Variants in TMEM62 observed in about 807,000 individuals in gnomAD.
TMEM62 encodes transmembrane protein 62.
In TMEM62, 41 loss-of-function variants were observed where a neutral mutation model predicts 70.4. That is an observed-to-expected ratio of 0.58 (90% CI 0.45 to 0.76). TMEM62 has a LOEUF of 0.76. TMEM62 is among the 30% of genes least tolerant of loss of function. TMEM62 has a pLI of 0.00. For synonymous variants in TMEM62, 268 were observed against 291.0 expected (o/e 0.92, Z 0.80); for missense variants, 688 against 788.5 (o/e 0.87, Z 1.53).
intron 3 of TMEM62, among the ~76,000 whole-genome samples, chr15:43,136,760 T>A (rs1006001776): frequency 3.3e-5 from 5 of 151,764 alleles, no homozygotes; most frequent in Admixed American, 1.3e-4. Flanking sequence ...CCTGGCTTAT[T>A]ATTATTTTTT....
intron 11 of TMEM62, among the ~76,000 whole-genome samples, chr15:43,173,523 T>C (rs556636489): frequency 2.6e-5 from 4 of 152,226 alleles, no homozygotes; most frequent in African/African-American, 9.6e-5. Context: ...ACCAGTTACC[T>C]GTATTTTAGC....
intron 9 of TMEM62, among the ~76,000 whole-genome samples, chr15:43,158,035 A>C (rs1342331982): frequency 6.6e-6 from 1 of 151,804 alleles, no homozygotes; most frequent in Admixed American, 6.6e-5. Context: ...TTGGAAACTG[A>C]ATCTTTGGTC....
chr15:43,163,185 A>G (rs2038966455), intron 10 of TMEM62, among the ~76,000 whole-genome samples: 1 of 137,652 alleles, frequency 7.3e-6, no homozygotes, highest in African/African-American at 3.0e-5. Context: ...AGCATAAAAT[A>G]AAAATAAAAA....
chr15:43,158,704 T>C (rs933652861), intron 9 of TMEM62, among the ~76,000 whole-genome samples: 1 of 152,226 alleles, frequency 6.6e-6, no homozygotes, highest in Non-Finnish European at 1.5e-5. Context: ...AATTATCTTA[T>C]CTATTTGGTA....
upstream of TMEM62, chr15:43,133,171 C>T (rs914591049): frequency 6.6e-6 from 1 of 152,148 alleles, no homozygotes; most frequent in Admixed American, 6.5e-5. Flanking sequence ...CACTGCATTC[C>T]TGCCTGGGGG....
intron 10 of TMEM62, among the ~76,000 whole-genome samples, chr15:43,167,568 C>T (rs1258864301): frequency 1.3e-5 from 2 of 151,976 alleles, no homozygotes; most frequent in African/African-American, 4.8e-5. Context: ...GATGGGATGG[C>T]GGCCGGGAAG....
intron 13 of TMEM62, 114 bp from the exon 14 acceptor site, chr15:43,184,146 T>A (rs1375125074): frequency 2.2e-6 from 2 of 929,586 alleles, no homozygotes; most frequent in African/African-American, 3.3e-5. Context: ...TTGAAGTAAA[T>A]TAGCTAACGC....
At chr15:43,165,625 C>G (rs912643251) in intron 10 of TMEM62, among the ~76,000 whole-genome samples, 3 of 151,392 alleles carry the variant, frequency 2.0e-5, no homozygotes, top group African/African-American at 7.3e-5. Context: ...CTCAGCTACT[C>G]GGGAGGCTGA....
intron 5 of TMEM62, among the ~76,000 whole-genome samples, chr15:43,147,307 A>G (rs1016335776): frequency 1.3e-5 from 2 of 152,180 alleles, no homozygotes; most frequent in South Asian, 4.1e-4. Flanking sequence ...TATTGAAATC[A>G]ATAAGTTTAT....
In TMEM62 at chr15:43,138,645, C is replaced by A. The variant is rs552084363; in HGVS notation, c.476+26C>A. ...GTACTGTAATAAACAGAAGACAGACCACTATGTAGAGTCAGTGTTATAAGG... is the reference window on the plus strand; with the variant it reads ...GTACTGTAATAAACAGAAGACAGACAACTATGTAGAGTCAGTGTTATAAGG... On this transcript the variant is annotated intron_variant, in intron 4 of 13. Transcript: ENST00000260403. The A allele has an allele frequency of 1.2e-4, 189 of 1,553,452 alleles. 6 individuals carry two copies. The South Asian group carries it at 2.1e-3, about 18-fold the overall frequency.
chr15:43,177,598 A>C (rs1436530858), intron 11 of TMEM62, among the ~76,000 whole-genome samples: 1 of 152,086 alleles, frequency 6.6e-6, no homozygotes, highest in African/African-American at 2.4e-5. Flanking sequence ...CTTGGAACCA[A>C]CCCAAATGTC....
At chr15:43,180,742 C>A (rs2041255086) in intron 12 of TMEM62, 1 of 153,534 alleles carries the variant, frequency 6.5e-6, no homozygotes, top group Admixed American at 6.5e-5. Context: ...TTAACGAGTG[C>A]ATCTTAGAAA....
intron 9 of TMEM62, among the ~76,000 whole-genome samples, chr15:43,155,877 G>C (rs2037991367): frequency 6.6e-6 from 1 of 152,148 alleles, no homozygotes; most frequent in East Asian, 1.9e-4. Context: ...AGCATTGTTA[G>C]CATATGCAGT....
chr15:43,134,292 A>G lies in TMEM62; in HGVS notation c.216A>G (p.Pro72=). ...SDIHLSRFRD[P]GRAVDLEKFC... ...TTCACCTGAGCAGGTTTCGAGATCCAGGCAGAGCGGTAGACTTAGAGAAAT... is the reference window on the plus strand; with the variant it reads ...TTCACCTGAGCAGGTTTCGAGATCCGGGCAGAGCGGTAGACTTAGAGAAAT... Residue 72 remains proline (P), a synonymous_variant, in exon 2 of 14, where the codon CCA becomes CCG. Transcript: ENST00000260403. 1 of 1,614,198 alleles carries G rather than the reference A, an allele frequency of 6.2e-7. No individual in the cohort carries two copies. The highest frequency in any genetic ancestry group is 1.1e-5 in the South Asian group (1 of 91,078).
chr15:43,152,799 T>C (rs1161557184), intron 8 of TMEM62, among the ~76,000 whole-genome samples: 1 of 152,240 alleles, frequency 6.6e-6, no homozygotes, highest in African/African-American at 2.4e-5. Context: ...TTTTAAAATA[T>C]ACTTTTACAA....
Position 43,184,646 on chromosome 15 carries a change from G to T in TMEM62, c.*60G>T. ...CCCAGCCTCTGTGTCTGTAGCCCAG[G>T]CCTCTACCCCAGTAGCAGGTGGAGG... On this transcript the variant is annotated 3_prime_UTR_variant, in exon 14 of 14. Coordinates refer to ENST00000260403, the MANE Select transcript of TMEM62 (RefSeq NM_024956.4). The T allele has an allele frequency of 6.7e-7, 1 of 1,488,904 alleles. No individual in the cohort carries two copies. 92.2% of individuals were successfully genotyped at this position (1,488,904 alleles called of 1,614,324 possible).
chr15:43,140,275 T>C (rs1036804797), intron 4 of TMEM62, among the ~76,000 whole-genome samples: 4 of 152,168 alleles, frequency 2.6e-5, no homozygotes, highest in African/African-American at 7.2e-5. Context: ...TGCAAGAACA[T>C]GGCCGGCAGA....
chr15:43,161,664 TTTTG>T (rs765793902), intron 10 of TMEM62, among the ~76,000 whole-genome samples: 4 of 152,292 alleles, frequency 2.6e-5, no homozygotes, highest in Non-Finnish European at 2.9e-5. Context: ...CTTGTTTGTT[TTTTG>T]TTTTTTCTGG....
chr15:43,138,728 G>A (rs1452133856), intron 4 of TMEM62, 109 bp downstream of exon 4: 1 of 932,260 alleles, frequency 1.1e-6, no homozygotes, highest in African/African-American at 1.7e-5. Flanking sequence ...TTAAGAGGCA[G>A]GGGTCTCGCT....
Sources: gnomAD v4.1 joint callset for allele counts (sites outside exome capture counted in the v4.1 genomes callset) on GRCh38, gnomAD v4.1.1 for gene constraint, MANE v1.5 for transcripts, NCBI Gene and HGNC (gene_info 2026-07-23, HGNC 2026-07-21) for gene names.